ACSS2: variants seen among roughly 807,000 people sequenced by gnomAD.
The protein encoded by ACSS2 is acetyl-coenzyme A synthetase, cytoplasmic.
A neutral mutation model predicts 90.6 loss-of-function variants in ACSS2; 58 were observed. The ratio of observed to expected loss-of-function variants is 0.64; its 90% CI spans 0.52 to 0.80. The LOEUF (loss-of-function observed/expected upper bound fraction) is 0.80, where lower values mean the gene tolerates loss of function less well. Ranked by LOEUF, ACSS2 falls within the 30% of genes least tolerant of loss-of-function variation. The pLI is 0.00. For synonymous variants in ACSS2, 300 were observed against 330.9 expected, an observed-to-expected ratio of 0.91 and a Z score of 1.01; for missense variants, 759 against 912.0, an observed-to-expected ratio of 0.83 and a Z score of 2.16.
At chr20:34,925,006 A>T (rs2081287038) in intron 14 of ACSS2, among the ~76,000 whole-genome samples, 2 of 152,172 alleles carry the variant, frequency 1.3e-5, no homozygotes, top group African/African-American at 2.4e-5. Flanking sequence ...TGGGGTTTTA[A>T]GCAGGGGAGT....
At chr20:34,876,248 A>T (rs1469108257), upstream of ACSS2, among the ~76,000 whole-genome samples, 4 of 151,624 alleles carry the variant, frequency 2.6e-5, no homozygotes, top group Non-Finnish European at 4.4e-5. Context: ...TGTCACAACC[A>T]GCCGGGTTAC....
intron 2 of ACSS2, among the ~76,000 whole-genome samples, chr20:34,891,025 T>C (rs1312379567): frequency 6.7e-6 from 1 of 149,922 alleles, no homozygotes; most frequent in East Asian, 2.0e-4. Context: ...TAATTTAGAG[T>C]CCCTGGACAT....
intron 2 of ACSS2, among the ~76,000 whole-genome samples, chr20:34,888,768 A>G (rs1218946964): frequency 1.3e-5 from 2 of 152,148 alleles, no homozygotes; most frequent in Non-Finnish European, 2.9e-5. Flanking sequence ...GAAAGTATGG[A>G]GTGTGCCACG....
Position 34,914,154 on chromosome 20 carries a change from G to T in ACSS2, c.702G>T (p.Leu234=), listed in dbSNP as rs967973630. The T allele has an allele frequency of 6.2e-6, 10 of 1,614,086 alleles. No homozygotes were observed. The highest frequency in any genetic ancestry group is 8.5e-6 in the Non-Finnish European group (10 of 1,180,022). Residue 234 remains leucine (L), a synonymous_variant, in exon 6 of 18, where the codon CTG becomes CTT. Coordinates refer to ENST00000360596, the MANE Select transcript of ACSS2 (RefSeq NM_018677.4). ...VNLKELADEA[L]QKCQEKGFPV... is the part of the protein sequence containing the mutation. Reference sequence around the variant, plus strand: ...TGAAGGAGCTGGCTGACGAGGCCCTGCAGAAGTGTCAGGAGAAGTAAGTGT... The same window carrying T: ...TGAAGGAGCTGGCTGACGAGGCCCTTCAGAAGTGTCAGGAGAAGTAAGTGT...
intron 2 of ACSS2, among the ~76,000 whole-genome samples, chr20:34,900,641 A>G (rs2080634867): frequency 6.6e-6 from 1 of 152,158 alleles, no homozygotes; most frequent in Non-Finnish European, 1.5e-5. Context: ...GGGTGATAGG[A>G]TGACAGTTGA....
intron 2 of ACSS2, among the ~76,000 whole-genome samples, chr20:34,909,718 CTT>C (rs879749574): frequency 2.7e-4 from 37 of 137,740 alleles, no homozygotes; most frequent in Middle Eastern, 3.7e-3. Context: ...CATTAAAATC[CTT>C]TTTTTTTTTT....
At chr20:34,875,397 C>T (rs1237686836), upstream of ACSS2, among the ~76,000 whole-genome samples, 1 of 152,066 alleles carries the variant, frequency 6.6e-6, no homozygotes, top group African/African-American at 2.4e-5. Context: ...GGTGAAATCC[C>T]ATCTCTACTA....
At position 34,913,079 on chromosome 20, in the gene ACSS2, T is replaced by C. The variant is rs1330607509; in HGVS notation, c.375-17T>C. 6.2e-7 allele frequency: 1 copy of C among 1,603,410 alleles called. No homozygotes were observed. Among genetic ancestry groups the C allele is most frequent in the Non-Finnish European group, 8.5e-7 (1 of 1,170,374 alleles). Reference sequence around the variant, plus strand: ...AAGTTATACCCCTAATCACTGGTTCTTTCTGGTATGTCTCAGGGAGGGCAA... The same window carrying C: ...AAGTTATACCCCTAATCACTGGTTCCTTCTGGTATGTCTCAGGGAGGGCAA... On this transcript the variant is annotated splice_polypyrimidine_tract_variant and intron_variant, in intron 2 of 17. Transcript: ENST00000360596.
At chr20:34,886,343 G>T (rs757499002) in intron 2 of ACSS2, among the ~76,000 whole-genome samples, 1 of 152,066 alleles carries the variant, frequency 6.6e-6, no homozygotes, top group Non-Finnish European at 1.5e-5. Context: ...ACTGGGCTGG[G>T]TGCAGTGGCT....
At chr20:34,877,983 G>C (rs956990493) in intron 1 of ACSS2, among the ~76,000 whole-genome samples, 2 of 151,754 alleles carry the variant, frequency 1.3e-5, no homozygotes, top group African/African-American at 4.8e-5. Flanking sequence ...ACCCATGCTG[G>C]AGTGCAGTGG....
At chr20:34,915,369 C>T (rs1355741548) in intron 7 of ACSS2, 1 of 1,283,234 alleles carries the variant, frequency 7.8e-7, no homozygotes, top group Non-Finnish European at 1.1e-6. Flanking sequence ...AACCTCCTTC[C>T]CCTTGCCCCT....
intron 2 of ACSS2, among the ~76,000 whole-genome samples, chr20:34,889,217 G>T (rs1455501406): frequency 6.6e-6 from 1 of 151,984 alleles, no homozygotes; most frequent in African/African-American, 2.4e-5. Context: ...CTGCCTCCTG[G>T]GTTCACACCA....
At chr20:34,918,829 A>G (rs1292784424) in intron 7 of ACSS2, among the ~76,000 whole-genome samples, 6 of 152,226 alleles carry the variant, frequency 3.9e-5, no homozygotes, top group Admixed American at 2.6e-4. Flanking sequence ...GCCTAGTCCC[A>G]TAAGTACATA....
chr20:34,890,424 GGA>G (rs970796239), intron 2 of ACSS2, among the ~76,000 whole-genome samples: 3 of 152,156 alleles, frequency 2.0e-5, no homozygotes, highest in African/African-American at 4.8e-5. Flanking sequence ...AGTCATTCAG[GGA>G]GAGAGAGTCA....
At chr20:34,910,901 C>T (rs2080938303) in intron 2 of ACSS2, among the ~76,000 whole-genome samples, 1 of 152,170 alleles carries the variant, frequency 6.6e-6, no homozygotes, top group South Asian at 2.1e-4. Context: ...CAGCTCACTG[C>T]AGGCTTGACC....
intron 2 of ACSS2, among the ~76,000 whole-genome samples, chr20:34,888,482 AT>A (rs2080253220): frequency 6.6e-6 from 1 of 152,250 alleles, no homozygotes; most frequent in Non-Finnish European, 1.5e-5. Flanking sequence ...TAAAAGGTTT[AT>A]GCAGGGAACA....
chr20:34,916,286 A>C (rs982849872), intron 7 of ACSS2, among the ~76,000 whole-genome samples: 2 of 152,220 alleles, frequency 1.3e-5, no homozygotes, highest in African/African-American at 2.4e-5. Flanking sequence ...TGGCTCTGCC[A>C]TCTGCTGCTG....
At chr20:34,887,708 T>A (rs1052944302) in intron 2 of ACSS2, among the ~76,000 whole-genome samples, 31 of 151,536 alleles carry the variant, frequency 2.0e-4, no homozygotes, top group African/African-American at 7.3e-4. Context: ...GCCATTGCAC[T>A]CCACCCTGGG....
In ACSS2 at chr20:34,913,501, G is replaced by GTGAAAA; in HGVS notation, c.570+5_570+6insTGAAAA. 1 of 1,610,532 alleles carries GTGAAAA rather than the reference G, an allele frequency of 6.2e-7. No individual in the cohort carries two copies. The highest frequency in any genetic ancestry group is 1.1e-5 in the South Asian group (1 of 90,916). Reference sequence around the variant, plus strand: ...GGGGCTTTGCACTCCATTGTGGTAGGAGTTTGGGCTGGTGAAAAGGGGCAG... The same window carrying GTGAAAA: ...GGGGCTTTGCACTCCATTGTGGTAGGTGAAAAAGTTTGGGCTGGTGAAAAGGGGCAG... On this transcript the variant is annotated splice_donor_region_variant and intron_variant, in intron 4 of 17. Transcript: ENST00000360596.
Sources: allele counts gnomAD v4.1 joint callset (sites outside exome capture counted in the v4.1 genomes callset), GRCh38; gene constraint gnomAD v4.1.1; transcripts MANE v1.5; gene names NCBI Gene and HGNC (gene_info 2026-07-23, HGNC 2026-07-21).